The following EYA2 variants were observed in gnomAD, a reference collection of about 807,000 sequenced individuals.
EYA2 encodes the protein EYA transcriptional coactivator and phosphatase 2, also known as protein phosphatase EYA2.
In EYA2, 31 loss-of-function variants were observed where a neutral mutation model predicts 69.2. The ratio of observed to expected loss-of-function variants is 0.45; its 90% CI spans 0.34 to 0.60. The LOEUF (loss-of-function observed/expected upper bound fraction) is 0.60, where lower values mean the gene tolerates loss of function less well. Ranked by LOEUF, EYA2 falls within the 20% of genes least tolerant of loss-of-function variation. EYA2 has a pLI of 0.02. For missense variants in EYA2, 622 were observed against 701.2 expected (o/e 0.89, Z 1.28); for synonymous variants, 257 against 279.4 (o/e 0.92, Z 0.80).
intron 10 of EYA2, among the ~76,000 whole-genome samples, chr20:47,163,450 G>A (rs145698961): frequency 0.019 from 2,883 of 152,078 alleles, 101 homozygotes; most frequent in African/African-American, 0.065. Flanking sequence ...TGTAATCCCC[G>A]CACTTTGGGA....
intron 1 of EYA2, among the ~76,000 whole-genome samples, chr20:46,932,840 C>T (rs573162331): frequency 4.6e-5 from 7 of 152,178 alleles, no homozygotes; most frequent in African/African-American, 1.7e-4. Context: ...GAGCCGAGAT[C>T]GAGCCACTGC....
intron 9 of EYA2, among the ~76,000 whole-genome samples, chr20:47,102,970 C>T (rs2032466546): frequency 6.6e-6 from 1 of 152,162 alleles, no homozygotes; most frequent in Non-Finnish European, 1.5e-5. Context: ...AGAAATTAGT[C>T]AGCTTTCCTC....
At position 47,022,655 on chromosome 20, in the gene EYA2, C is replaced by CTTTTTT. The variant is rs3092574; in HGVS notation, c.415+6373_415+6378dup. ...ATATAACTCACATCCTAAACTTCAC[C>CTTTTTT]TTTTTTTTTTTTTTTTTTTTGAGGC... is the stretch of plus-strand genomic sequence containing the variant. On this transcript the variant is annotated intron_variant, in intron 5 of 15. Transcript: ENST00000327619. 2.0e-4 allele frequency among the ~76,000 whole-genome samples: 21 copies of CTTTTTT among 105,590 alleles called. 1 individual carries two copies. The highest frequency in any genetic ancestry group is 3.3e-4 in the African/African-American group (9 of 27,252). 69.3% of individuals were successfully genotyped at this position (105,590 alleles called of 152,430 possible). A position where few individuals can be genotyped will look rare whatever the true frequency, so the allele number is the denominator to read the frequency against.
intron 10 of EYA2, among the ~76,000 whole-genome samples, chr20:47,163,057 T>C (rs1407682977): frequency 6.6e-6 from 1 of 150,582 alleles, no homozygotes; most frequent in African/African-American, 2.5e-5. Context: ...TTAAACAGAG[T>C]CTTGCTCTGT....
chr20:46,943,130 G>T (rs1212593), intron 1 of EYA2, among the ~76,000 whole-genome samples: 55,819 of 152,052 alleles, frequency 0.37, 11,183 homozygotes, highest in Non-Finnish European at 0.46. Context: ...CCCCCGAGGG[G>T]ACATTTGACA....
chr20:46,984,657 A>G (rs995451860), intron 1 of EYA2, among the ~76,000 whole-genome samples: 1 of 152,250 alleles, frequency 6.6e-6, no homozygotes, highest in Non-Finnish European at 1.5e-5. Context: ...CACAGGAGTT[A>G]TGAAGAACAG....
At chr20:47,003,453 GC>G (rs1302644840) in intron 3 of EYA2, among the ~76,000 whole-genome samples, 1 of 152,222 alleles carries the variant, frequency 6.6e-6, no homozygotes, top group African/African-American at 2.4e-5. Flanking sequence ...GGTGGCTGCT[GC>G]TCAAATCCAG....
intron 1 of EYA2, among the ~76,000 whole-genome samples, chr20:46,973,273 G>A (rs773847742): frequency 4.6e-5 from 7 of 152,120 alleles, no homozygotes; most frequent in Admixed American, 6.5e-5. Context: ...AATACAGAAC[G>A]TGAGATATTC....
chr20:47,178,185 G>A (rs60583513), intron 12 of EYA2, among the ~76,000 whole-genome samples: 3,892 of 152,098 alleles, frequency 0.026, 151 homozygotes, highest in African/African-American at 0.083. Flanking sequence ...AAATTTAGCC[G>A]GACATGGTGG....
Position 46,939,362 on chromosome 20 carries a change from C to T in EYA2, c.-11+44375C>T, listed in dbSNP as rs528040205. 1.3e-3 allele frequency among the ~76,000 whole-genome samples: 195 copies of T among 152,210 alleles called. 1 individual carries two copies. The South Asian group carries it at 0.015, about 11-fold the overall frequency. The stretch of plus-strand genomic sequence containing the variant: ...GCAGGAGAGGCTTCCTGAGAATGAA[C>T]TCAAGGTGGTAGAAAGCAAACCTGA... On this transcript the variant is annotated intron_variant, in intron 1 of 15. Transcript: ENST00000327619.
At chr20:47,021,999 T>G (rs993256191) in intron 5 of EYA2, among the ~76,000 whole-genome samples, 25 of 152,272 alleles carry the variant, frequency 1.6e-4, no homozygotes, top group African/African-American at 5.8e-4. Context: ...ATAAAGGGGT[T>G]GGGGCGGGTC....
chr20:46,900,455 A>G (rs1360352769), intron 1 of EYA2, among the ~76,000 whole-genome samples: 1 of 152,204 alleles, frequency 6.6e-6, no homozygotes, highest in Non-Finnish European at 1.5e-5. Flanking sequence ...TGTTTCAACC[A>G]TTATTGTTTC....
chr20:47,090,636 A>C (rs1373431843), intron 8 of EYA2, among the ~76,000 whole-genome samples: 1 of 152,162 alleles, frequency 6.6e-6, no homozygotes, highest in East Asian at 1.9e-4. Flanking sequence ...ACAGATTACC[A>C]AGTCTACCAT....
chr20:46,924,425 C>T (rs1030120512), intron 1 of EYA2, among the ~76,000 whole-genome samples: 20 of 152,182 alleles, frequency 1.3e-4, no homozygotes, highest in Non-Finnish European at 2.1e-4. Flanking sequence ...AATCCCAGCA[C>T]TTTGGGAGGC....
At chr20:47,131,565 G>T (rs2033343073) in intron 9 of EYA2, among the ~76,000 whole-genome samples, 1 of 152,180 alleles carries the variant, frequency 6.6e-6, no homozygotes, top group Non-Finnish European at 1.5e-5. Context: ...GTGATTATGT[G>T]TCCCTAATGT....
chr20:47,039,111 TCA>T (rs11467574), intron 5 of EYA2, among the ~76,000 whole-genome samples: 83,920 of 149,798 alleles, frequency 0.56, 25,140 homozygotes, highest in Non-Finnish European at 0.69. Flanking sequence ...GATGTCGAAA[TCA>T]CACACACACA....
chr20:47,100,287 T>G (rs1052170628), intron 9 of EYA2, among the ~76,000 whole-genome samples: 8 of 152,200 alleles, frequency 5.3e-5, no homozygotes, highest in Non-Finnish European at 1.0e-4. Context: ...CAATCTAGAT[T>G]TCCAGCTCTT....
intron 1 of EYA2, among the ~76,000 whole-genome samples, chr20:46,943,614 G>T (rs942867347): frequency 2.6e-5 from 4 of 152,194 alleles, no homozygotes; most frequent in African/African-American, 9.7e-5. Flanking sequence ...GCTTGCCTGT[G>T]TGTAGCATGT....
At chr20:47,183,055 T>C (rs960206031) in intron 14 of EYA2, among the ~76,000 whole-genome samples, 2 of 152,180 alleles carry the variant, frequency 1.3e-5, no homozygotes, top group African/African-American at 4.8e-5. Flanking sequence ...CTGCGCTGCC[T>C]CCTCCTGCTG....
Sources: allele counts gnomAD v4.1 joint callset (sites outside exome capture counted in the v4.1 genomes callset), GRCh38; gene constraint gnomAD v4.1.1; transcripts MANE v1.5; gene names NCBI Gene and HGNC (gene_info 2026-07-23, HGNC 2026-07-21).